SLC24A3: variants seen among roughly 807,000 people sequenced by gnomAD.
The protein encoded by SLC24A3 is solute carrier family 24 member 3.
SLC24A3 carries 28 observed loss-of-function variants against 75.8 expected under a neutral mutation model. The observed-to-expected ratio is 0.37, with a 90% CI of 0.27 to 0.51. The LOEUF (loss-of-function observed/expected upper bound fraction) is 0.51. Ranked by LOEUF, SLC24A3 falls within the 20% of genes least tolerant of loss-of-function variation. SLC24A3 has a pLI of 0.94. For synonymous variants in SLC24A3, 372 were observed against 334.1 expected (o/e 1.11, Z -1.24); for missense variants, 663 against 847.8 (o/e 0.78, Z 2.71).
chr20:19,684,305 T>A lies in SLC24A3; in HGVS notation c.1031T>A (p.Leu344His). Residue 344 changes from leucine (L) to histidine (H), a missense_variant, in exon 11 of 17, where the codon CTC becomes CAC. By Grantham distance (99) the Leu-to-His change is moderately conservative. Around this residue, in one of 2 missense-constraint regions of SLC24A3, gnomAD observed 510 missense variants for 703.6 expected, o/e 0.72. Transcript: ENST00000328041. ...AGCCACTTTCCCCCCAAGACCCGGC[T>A]CTCCATGGCCAGTCGCATGTTGATC... ...ITSHFPPKTR[L>H]SMASRMLINE... 6.2e-7 allele frequency: 1 copy of A among 1,613,920 alleles called. No individual in the cohort carries two copies. Among genetic ancestry groups the A allele is most frequent in the Non-Finnish European group, 8.5e-7 (1 of 1,179,970 alleles).
chr20:19,452,612 G>C (rs1264757476), intron 2 of SLC24A3, among the ~76,000 whole-genome samples: 1 of 152,054 alleles, frequency 6.6e-6, no homozygotes, highest in Non-Finnish European at 1.5e-5. Flanking sequence ...ACCCTTCATA[G>C]AGCATCATAC....
At chr20:19,538,753 A>G (rs1452020147) in intron 3 of SLC24A3, among the ~76,000 whole-genome samples, 1 of 152,188 alleles carries the variant, frequency 6.6e-6, no homozygotes, top group African/African-American at 2.4e-5. Flanking sequence ...TCCCTGATCC[A>G]ACACCACTAC....
chr20:19,396,049 T>C (rs1270663134), intron 2 of SLC24A3, among the ~76,000 whole-genome samples: 1 of 152,208 alleles, frequency 6.6e-6, no homozygotes. Flanking sequence ...TAGGAATTAC[T>C]TGTCATTGTA....
rs1192746264 is a variant in SLC24A3 at position 19,346,122 on chromosome 20, G to GTA, written c.271+65036_271+65037insAT. 2.8e-4 allele frequency among the ~76,000 whole-genome samples: 17 copies of GTA among 60,082 alleles called. 1 individual carries two copies. The highest frequency in any genetic ancestry group is 4.7e-4 in the South Asian group (1 of 2,110). The allele number at this position is 60,082 out of a possible 152,430, so 39.4% of individuals were successfully genotyped here. On this transcript the variant is annotated intron_variant, in intron 2 of 16. Coordinates refer to ENST00000328041, the MANE Select transcript of SLC24A3 (RefSeq NM_020689.4). ...ATATATATATATGGTGTGTGTGTGT[G>GTA]TGTATATATATATATGGTGTGTGTA...
chr20:19,455,635 G>C (rs1398900897), intron 2 of SLC24A3, among the ~76,000 whole-genome samples: 1 of 152,204 alleles, frequency 6.6e-6, no homozygotes, highest in Non-Finnish European at 1.5e-5. Flanking sequence ...TCTTCATGGA[G>C]CAATAAAAGG....
At chr20:19,384,777 T>C (rs1471439675) in intron 2 of SLC24A3, among the ~76,000 whole-genome samples, 2 of 152,230 alleles carry the variant, frequency 1.3e-5, no homozygotes, top group Non-Finnish European at 2.9e-5. Context: ...ATAATGGTGG[T>C]ACTAATTATA....
intron 6 of SLC24A3, among the ~76,000 whole-genome samples, chr20:19,617,996 GT>G (rs151327644): frequency 2.4e-4 from 35 of 147,668 alleles, no homozygotes; most frequent in African/African-American, 6.2e-4. Context: ...TTTGTTTTTT[GT>G]TTTTTTTTTC....
chr20:19,709,560 C>G (rs1434921957), intron 15 of SLC24A3, among the ~76,000 whole-genome samples: 2 of 151,806 alleles, frequency 1.3e-5, no homozygotes, highest in Admixed American at 1.3e-4. Context: ...AGGTGGAAGT[C>G]GCAGTGAACT....
intron 1 of SLC24A3, among the ~76,000 whole-genome samples, chr20:19,226,276 T>C (rs2122140408): frequency 6.6e-6 from 1 of 152,306 alleles, no homozygotes; most frequent in South Asian, 2.1e-4. Flanking sequence ...ACCCACTTGA[T>C]CATGGTGTGT....
intron 2 of SLC24A3, among the ~76,000 whole-genome samples, chr20:19,315,001 G>A (rs900366715): frequency 6.6e-6 from 1 of 152,242 alleles, no homozygotes; most frequent in Non-Finnish European, 1.5e-5. Flanking sequence ...TGCTGAAGAA[G>A]AAATTTGCTT....
At chr20:19,452,261 A>G (rs187091511) in intron 2 of SLC24A3, among the ~76,000 whole-genome samples, 181 of 152,296 alleles carry the variant, frequency 1.2e-3, no homozygotes, top group Non-Finnish European at 1.7e-3. Context: ...TCACATCAAA[A>G]TCTACTATCT....
At chr20:19,715,317 C>A (rs1361710784) in intron 15 of SLC24A3, among the ~76,000 whole-genome samples, 4 of 152,186 alleles carry the variant, frequency 2.6e-5, no homozygotes, top group East Asian at 1.9e-4. Flanking sequence ...AAAGTCTATC[C>A]GCAGTCAGGT....
chr20:19,300,015 A>G (rs6081560), intron 2 of SLC24A3, among the ~76,000 whole-genome samples: 78,758 of 152,046 alleles, frequency 0.52, 22,669 homozygotes, highest in African/African-American at 0.77. Flanking sequence ...ATGCTCCTTA[A>G]CCCAAAGCCA....
chr20:19,367,601 G>A (rs1226405244), intron 2 of SLC24A3, among the ~76,000 whole-genome samples: 1 of 152,074 alleles, frequency 6.6e-6, no homozygotes, highest in African/African-American at 2.4e-5. Context: ...TAGATGCCCA[G>A]GTTCTCAGAC....
chr20:19,683,641 A>G (rs541382316), intron 10 of SLC24A3, among the ~76,000 whole-genome samples: 10 of 152,352 alleles, frequency 6.6e-5, no homozygotes, highest in South Asian at 6.2e-4. Context: ...CTCAGTATGA[A>G]TATTGCTGAC....
chr20:19,650,111 A>C (rs1021280847), intron 6 of SLC24A3, among the ~76,000 whole-genome samples: 3 of 152,002 alleles, frequency 2.0e-5, no homozygotes, highest in Non-Finnish European at 4.4e-5. Flanking sequence ...TTCCTTCTAG[A>C]GTGTGGAAAG....
chr20:19,335,445 G>A (rs1483767183), intron 2 of SLC24A3, among the ~76,000 whole-genome samples: 1 of 152,210 alleles, frequency 6.6e-6, no homozygotes, highest in Non-Finnish European at 1.5e-5. Context: ...CTGCATCCTA[G>A]CTCTGCACAC....
At chr20:19,519,405 G>A (rs1387420694) in intron 3 of SLC24A3, among the ~76,000 whole-genome samples, 1 of 152,170 alleles carries the variant, frequency 6.6e-6, no homozygotes, top group African/African-American at 2.4e-5. Flanking sequence ...GCCATTGCTG[G>A]TTCAACTTTC....
intron 3 of SLC24A3, among the ~76,000 whole-genome samples, chr20:19,532,347 C>T (rs964985372): frequency 1.3e-5 from 2 of 152,168 alleles, no homozygotes; most frequent in African/African-American, 2.4e-5. Context: ...CTTGGGTCTG[C>T]CCTCACTGCT....
Sources: allele counts gnomAD v4.1 joint callset (sites outside exome capture counted in the v4.1 genomes callset), GRCh38; gene constraint gnomAD v4.1.1; regional missense constraint gnomAD v4.1.1; transcripts MANE v1.5; gene names NCBI Gene and HGNC (gene_info 2026-07-23, HGNC 2026-07-21).